RBM6: variants seen among roughly 807,000 people sequenced by gnomAD.
The protein encoded by RBM6 is RNA binding motif protein 6.
Under a neutral mutation model 140.4 loss-of-function variants are expected in RBM6, and 23 were observed. That is an observed-to-expected ratio of 0.16 (90% CI 0.12 to 0.23). RBM6 has a LOEUF of 0.23. RBM6 is among the 10% of genes least tolerant of loss of function. The pLI, the probability that RBM6 is intolerant of heterozygous loss-of-function variation, is 1.00. For missense variants in RBM6, 1,139 were observed against 1,386.7 expected, an observed-to-expected ratio of 0.82 and a Z score of 2.84; for synonymous variants, 439 against 475.6, an observed-to-expected ratio of 0.92 and a Z score of 1.00.
At chr3:50,052,303 G>C (rs2089502625) in intron 7 of RBM6, among the ~76,000 whole-genome samples, 1 of 152,192 alleles carries the variant, frequency 6.6e-6, no homozygotes, top group Admixed American at 6.5e-5. Context: ...GGCCCGAAAT[G>C]ATCCAACTTC....
intron 5 of RBM6, among the ~76,000 whole-genome samples, chr3:49,975,762 A>G (rs1276322682): frequency 6.6e-6 from 1 of 152,240 alleles, no homozygotes; most frequent in Non-Finnish European, 1.5e-5. Context: ...AAAATTTTAC[A>G]TTCATTGCTT....
intron 18 of RBM6, among the ~76,000 whole-genome samples, chr3:50,070,082 T>A (rs1227735406): frequency 6.6e-6 from 1 of 151,962 alleles, no homozygotes; most frequent in African/African-American, 2.4e-5. Flanking sequence ...CAAGGCCGGG[T>A]GCGGTGGCTC....
chr3:50,023,315 A>G (rs2087615433), intron 6 of RBM6, among the ~76,000 whole-genome samples: 1 of 150,906 alleles, frequency 6.6e-6, no homozygotes, highest in Non-Finnish European at 1.5e-5. Flanking sequence ...CTTCTTATTT[A>G]TTTATTTGAG....
chr3:50,060,901 C>G (rs1447152055), intron 11 of RBM6, 55 bp from the exon 12 acceptor site: 2 of 1,502,602 alleles, frequency 1.3e-6, no homozygotes, highest in Non-Finnish European at 1.8e-6. Flanking sequence ...GGATTAAGTA[C>G]TCGTCAAATG....
intron 7 of RBM6, among the ~76,000 whole-genome samples, chr3:50,049,303 G>A (rs1368160099): frequency 1.3e-5 from 2 of 151,696 alleles, no homozygotes; most frequent in Admixed American, 6.6e-5. Context: ...GTAGAGATGG[G>A]GTTTCACCAT....
At chr3:49,995,227 T>C (rs1486379670) in intron 5 of RBM6, among the ~76,000 whole-genome samples, 2 of 151,334 alleles carry the variant, frequency 1.3e-5, no homozygotes, top group African/African-American at 4.9e-5. Flanking sequence ...CCTTTATAGA[T>C]TTTTTCCCCT....
chr3:49,964,190 A>AG (rs1218413147), intron 2 of RBM6, among the ~76,000 whole-genome samples: 1 of 152,142 alleles, frequency 6.6e-6, no homozygotes, highest in Non-Finnish European at 1.5e-5. Flanking sequence ...TATAAGTGTG[A>AG]GCCACCGCAC....
chr3:50,031,917 A>T (rs2088190026), intron 6 of RBM6, among the ~76,000 whole-genome samples: 2 of 152,204 alleles, frequency 1.3e-5, no homozygotes, highest in Non-Finnish European at 2.9e-5. Context: ...CTTATTTCAC[A>T]TTGCATGCCT....
intron 1 of RBM6, among the ~76,000 whole-genome samples, chr3:49,954,332 T>C (rs1397885566): frequency 6.6e-6 from 1 of 150,436 alleles, no homozygotes; most frequent in Non-Finnish European, 1.5e-5. Context: ...CCCAGCTACT[T>C]GGCAGGCTGA....
In RBM6 at chr3:49,967,673, G is replaced by A; in HGVS notation, c.248G>A (p.Gly83Asp). The A allele has an allele frequency of 1.2e-6, 2 of 1,614,158 alleles. No homozygotes were observed. Among genetic ancestry groups the A allele is most frequent in the African/African-American group, 1.3e-5 (1 of 75,052 alleles). Residue 83 changes from glycine (G) to aspartate (D), a missense_variant, in exon 3 of 21, where the codon GGT (glycine) becomes GAT (aspartate). Coordinates refer to ENST00000266022, the MANE Select transcript of RBM6 (RefSeq NM_005777.3). The surrounding 1 kb of genome is among the most constrained non-coding windows in gnomAD (Gnocchi z 4.0). ...FSYGARDGPH[G>D]DYRGGEGPGH... is the part of the protein sequence containing the mutation. Reference sequence around the variant, plus strand: ...TATGGAGCTAGAGACGGACCGCATGGTGACTATCGAGGAGGGGAGGGACCT... The same window carrying A: ...TATGGAGCTAGAGACGGACCGCATGATGACTATCGAGGAGGGGAGGGACCT...
chr3:49,968,466 A>C lies in RBM6; in HGVS notation c.1041A>C (p.Val347=). 6.2e-7 allele frequency: 1 copy of C among 1,614,226 alleles called. No homozygotes were observed. Among genetic ancestry groups the C allele is most frequent in the Non-Finnish European group, 8.5e-7 (1 of 1,180,040 alleles). Residue 347 remains valine (V), a synonymous_variant, in exon 3 of 21, where the codon GTA becomes GTC. Coordinates refer to ENST00000266022, the MANE Select transcript of RBM6 (RefSeq NM_005777.3). ...SETREGETQG[V]AFEHESPADF... ...CAAGAGAAGGAGAAACACAAGGTGT[A>C]GCCTTTGAACATGAGTCTCCAGCAG...
At chr3:50,011,903 GTGCAGTGGCATGACCA>G (rs2086868511) in intron 6 of RBM6, among the ~76,000 whole-genome samples, 1 of 148,820 alleles carries the variant, frequency 6.7e-6, no homozygotes, top group Admixed American at 6.8e-5. Flanking sequence ...CCCAAGCTGA[GTGCAGTGGCATGACCA>G]TGGCTCACTG....
intron 1 of RBM6, among the ~76,000 whole-genome samples, chr3:49,955,717 C>T (rs977551483): frequency 6.6e-6 from 1 of 151,798 alleles, no homozygotes; most frequent in African/African-American, 2.4e-5. Flanking sequence ...CTGGCGGGCA[C>T]CTGTAATCTC....
chr3:50,035,532 A>G (rs1004681481), intron 6 of RBM6, among the ~76,000 whole-genome samples: 2 of 151,746 alleles, frequency 1.3e-5, no homozygotes, highest in Non-Finnish European at 2.9e-5. Context: ...AATACAAAAA[A>G]TTAGCCGGGC....
chr3:50,069,061 T>C (rs2090206544), intron 18 of RBM6, among the ~76,000 whole-genome samples: 1 of 152,180 alleles, frequency 6.6e-6, no homozygotes, highest in Non-Finnish European at 1.5e-5. Flanking sequence ...AATGAACAAG[T>C]GTTGAATAGC....
At chr3:50,009,517 G>T (rs1028585077) in intron 6 of RBM6, among the ~76,000 whole-genome samples, 6 of 152,072 alleles carry the variant, frequency 3.9e-5, no homozygotes, top group Admixed American at 3.9e-4. Context: ...TCTTGTTAAG[G>T]ATATTGATGA....
intron 8 of RBM6, among the ~76,000 whole-genome samples, chr3:50,056,282 A>G (rs1034645836): frequency 3.3e-5 from 5 of 151,646 alleles, no homozygotes; most frequent in Non-Finnish European, 7.4e-5. Flanking sequence ...AAATGAATAG[A>G]TAGTTTTTTG....
At chr3:49,960,141 C>G (rs143774129) in intron 1 of RBM6, among the ~76,000 whole-genome samples, 1 of 152,088 alleles carries the variant, frequency 6.6e-6, no homozygotes, top group African/African-American at 2.4e-5. Flanking sequence ...CAAATACCCC[C>G]GCAGACAGGG....
At chr3:50,056,486 G>C (rs2089705316) in intron 8 of RBM6, among the ~76,000 whole-genome samples, 1 of 152,010 alleles carries the variant, frequency 6.6e-6, no homozygotes. Context: ...AGTAGAGACA[G>C]GGTTTCACTG....
Sources: allele counts gnomAD v4.1 joint callset (sites outside exome capture counted in the v4.1 genomes callset), GRCh38; gene constraint gnomAD v4.1.1; non-coding constraint Gnocchi (gnomAD v3.1); transcripts MANE v1.5; gene names NCBI Gene and HGNC (gene_info 2026-07-23, HGNC 2026-07-21).